ANXA4: variants seen among roughly 807,000 people sequenced by gnomAD.
The protein encoded by ANXA4 is annexin A4, also known as 35-beta calcimedin.
A neutral mutation model predicts 49.8 loss-of-function variants in ANXA4; 39 were observed. The observed-to-expected ratio is 0.78, with a 90% confidence interval of 0.61 to 1.02. The LOEUF (loss-of-function observed/expected upper bound fraction) is 1.02, where lower values mean the gene tolerates loss of function less well. Ranked by LOEUF, ANXA4 falls within the 50% of genes least tolerant of loss-of-function variation. The probability of loss-of-function intolerance (pLI) is 0.00; values close to 1 mark genes in which losing one functional copy is unlikely to be tolerated. For synonymous variants in ANXA4, 134 were observed against 152.5 expected (o/e 0.88, Z 0.89); for missense variants, 360 against 410.1 (o/e 0.88, Z 1.05).
In ANXA4 at chr2:69,711,124, G is replaced by T. The variant is rs185205334; in HGVS notation, n.767-9650G>T. On this transcript the variant is annotated intron_variant and non_coding_transcript_variant, in intron 2 of 3. Transcript: ENST00000418066. ...ATGGGTGGGTCACTTGAGATCAGGA[G>T]TTTGAGACAAGCCTGGTCAACATGG... 4.6e-5 allele frequency among the ~76,000 whole-genome samples: 7 copies of T among 152,318 alleles called. 1 individual carries two copies. In the East Asian group the frequency reaches 1.4e-3, roughly 29 times the overall value.
intron 1 of ANXA4, among the ~76,000 whole-genome samples, chr2:69,646,921 A>G (rs551723684): frequency 3.3e-5 from 5 of 152,332 alleles, no homozygotes; most frequent in African/African-American, 4.8e-5. Flanking sequence ...GAGACTACCA[A>G]CCACAGACTG....
At chr2:69,776,608 AC>A (rs1185053957) in intron 1 of ANXA4, among the ~76,000 whole-genome samples, 5 of 152,198 alleles carry the variant, frequency 3.3e-5, no homozygotes, top group African/African-American at 1.2e-4. Context: ...CTAAATTCTG[AC>A]ACTATCAAGT....
intron 2 of ANXA4, among the ~76,000 whole-genome samples, chr2:69,675,705 G>A (rs1677382734): frequency 6.6e-6 from 1 of 152,146 alleles, no homozygotes; most frequent in African/African-American, 2.4e-5. Context: ...GATAGATGAT[G>A]ATTCACAGCA....
At chr2:69,651,817 T>TTGTGG (rs1676251259) in intron 1 of ANXA4, among the ~76,000 whole-genome samples, 1 of 12,598 alleles carries the variant, frequency 7.9e-5, no homozygotes, top group African/African-American at 2.9e-4. Flanking sequence ...TTTTTTTTTT[T>TTGTGG]GGGGGGGGGG....
chr2:69,796,337 T>C (rs7588022), intron 3 of ANXA4, among the ~76,000 whole-genome samples: 46,186 of 152,082 alleles, frequency 0.3, 7,890 homozygotes, highest in Non-Finnish European at 0.38. Context: ...CTTTCTCTTT[T>C]TCTCCTGGGG....
intron 1 of ANXA4, among the ~76,000 whole-genome samples, chr2:69,780,828 A>G (rs1358476879): frequency 6.6e-6 from 1 of 152,184 alleles, no homozygotes; most frequent in East Asian, 1.9e-4. Context: ...GGGACTGTTT[A>G]TGTGTCATGA....
chr2:69,700,272 C>A (rs1678289987), intron 2 of ANXA4: 1 of 152,132 alleles, frequency 6.6e-6, no homozygotes. Context: ...GTCCCAGCTG[C>A]CCAGGAGGCT....
At chr2:69,666,345 G>A (rs1331145507) in intron 2 of ANXA4, among the ~76,000 whole-genome samples, 2 of 151,842 alleles carry the variant, frequency 1.3e-5, no homozygotes, top group African/African-American at 4.8e-5. Context: ...AATAACAAGT[G>A]TTGACAAAGA....
At chr2:69,718,768 C>CACACATTCACACACATGCAT (rs1669726626) in intron 2 of ANXA4, among the ~76,000 whole-genome samples, 2 of 124,408 alleles carry the variant, frequency 1.6e-5, no homozygotes, top group Non-Finnish European at 3.0e-5. Flanking sequence ...CACACATACA[C>CACACATTCACACACATGCAT]ACACATTCAC....
intron 1 of ANXA4, among the ~76,000 whole-genome samples, chr2:69,778,857 G>A (rs1377913946): frequency 1.3e-5 from 2 of 151,466 alleles, no homozygotes; most frequent in African/African-American, 4.8e-5. Flanking sequence ...CAGCACTTTG[G>A]GAGGCTGAGG....
In ANXA4 at chr2:69,711,231, G is replaced by A. The variant is rs140585150; in HGVS notation, n.767-9543G>A. The stretch of plus-strand genomic sequence containing the variant: ...TGTAATTCCAGCTACTTGGGAGGCT[G>A]AGGCGGGAGAACCGCTTGAACCCAG... On this transcript the variant is annotated intron_variant and non_coding_transcript_variant, in intron 2 of 3. Transcript: ENST00000418066. 6.2e-3 allele frequency among the ~76,000 whole-genome samples: 948 copies of A among 152,308 alleles called. 22 individuals are homozygous for A. Among genetic ancestry groups the A allele is most frequent in the Admixed American group, 9.6e-3 (147 of 15,302 alleles).
intron 2 of ANXA4, among the ~76,000 whole-genome samples, chr2:69,783,495 G>T (rs774885610): frequency 1.3e-5 from 2 of 152,178 alleles, no homozygotes; most frequent in African/African-American, 4.8e-5. Flanking sequence ...GATTACGGGC[G>T]TGAGCCACCG....
chr2:69,681,017 C>T (rs1259780422), intron 2 of ANXA4, among the ~76,000 whole-genome samples: 1 of 152,066 alleles, frequency 6.6e-6, no homozygotes, highest in African/African-American at 2.4e-5. Context: ...ATGCTGGCCT[C>T]ATAGAATGAG....
intron 7 of ANXA4, among the ~76,000 whole-genome samples, chr2:69,812,450 T>C (rs1673747704): frequency 6.6e-6 from 1 of 152,172 alleles, no homozygotes; most frequent in South Asian, 2.1e-4. Context: ...GGGGCCACAC[T>C]GAGGCTCAGC....
chr2:69,731,940 A>AAATGCTG lies in ANXA4; in HGVS notation n.864+11071_864+11077dup, dbSNP rs575330671. On this transcript the variant is annotated intron_variant and non_coding_transcript_variant, in intron 3 of 3. Transcript: ENST00000418066. ...TGGGGCAGGAAAAAACAGAAATACC[A>AAATGCTG]AATGCTGATGCTATTTCTTAGTTAC... is the stretch of plus-strand genomic sequence containing the variant. Among the ~76,000 whole-genome samples, 428 of 151,586 alleles carry AAATGCTG rather than the reference A, an allele frequency of 2.8e-3. 5 individuals are homozygous for AAATGCTG. The highest frequency in any genetic ancestry group is 8.3e-3 in the Admixed American group (126 of 15,202).
Position 69,825,322 on chromosome 2 carries a change from G to C in ANXA4, c.907-134G>C, listed in dbSNP as rs1001564626. 1.3e-5 allele frequency: 9 copies of C among 690,766 alleles called. No homozygotes were observed. In the East Asian group the frequency reaches 2.6e-4, roughly 20 times the overall value. The allele number at this position is 690,766 out of a possible 1,614,324, so 42.8% of individuals were successfully genotyped here. A position where few individuals can be genotyped will look rare whatever the true frequency, so the allele number is the denominator to read the frequency against. On this transcript the variant is annotated intron_variant, in intron 12 of 12. Transcript: ENST00000394295. ...TCTACACTGAATAAGTATTACCTTC[G>C]TAATAAAAAATAACAAAAAAAATTT...
intron 2 of ANXA4, among the ~76,000 whole-genome samples, chr2:69,680,400 G>T (rs1257275662): frequency 2.0e-5 from 3 of 151,960 alleles, no homozygotes; most frequent in Non-Finnish European, 4.4e-5. Flanking sequence ...AAAAGTTTTT[G>T]GGTGCACCCT....
chr2:69,682,248 C>CTT (rs1677625409), intron 2 of ANXA4, among the ~76,000 whole-genome samples: 1 of 152,064 alleles, frequency 6.6e-6, no homozygotes, highest in South Asian at 2.1e-4. Flanking sequence ...ATAAACTCCC[C>CTT]TCTTAGCACT....
chr2:69,754,457 T>G (rs1670970002), intron 1 of ANXA4, among the ~76,000 whole-genome samples: 1 of 152,176 alleles, frequency 6.6e-6, no homozygotes, highest in Non-Finnish European at 1.5e-5. Context: ...GATGGGGGTC[T>G]TGGTATGTTA....
Sources: allele counts gnomAD v4.1 joint callset (sites outside exome capture counted in the v4.1 genomes callset), GRCh38; gene constraint gnomAD v4.1.1; transcripts MANE v1.5; gene names NCBI Gene and HGNC (gene_info 2026-07-23, HGNC 2026-07-21).